The following PAPPA2 variants were observed in gnomAD, a reference collection of about 807,000 sequenced individuals.
The protein encoded by PAPPA2 is pappalysin-2.
PAPPA2 carries 86 observed loss-of-function variants against 176.4 expected under a neutral mutation model. The observed-to-expected ratio is 0.49, with a 90% CI of 0.41 to 0.58. The LOEUF is 0.58. Among genes scored for constraint, PAPPA2 ranks in the 20% least tolerant of loss-of-function variants. PAPPA2 has a pLI of 0.00. For missense variants in PAPPA2, 2,073 were observed against 2,256.9 expected (o/e 0.92, Z 1.65); for synonymous variants, 809 against 852.2 (o/e 0.95, Z 0.88).
chr1:176,692,764 A>C (rs765275107), intron 6 of PAPPA2, among the ~76,000 whole-genome samples: 1 of 152,158 alleles, frequency 6.6e-6, no homozygotes, highest in Non-Finnish European at 1.5e-5. Flanking sequence ...TGTGCATCAG[A>C]GGGCTTCCCT....
At chr1:176,741,182 G>A (rs751864924) in intron 14 of PAPPA2, among the ~76,000 whole-genome samples, 4 of 152,188 alleles carry the variant, frequency 2.6e-5, no homozygotes, top group South Asian at 2.1e-4. Flanking sequence ...ATACAGCTTC[G>A]CCAGGTATCT....
At chr1:176,613,356 T>C (rs551243582) in intron 3 of PAPPA2, among the ~76,000 whole-genome samples, 174 of 152,346 alleles carry the variant, frequency 1.1e-3, no homozygotes, top group African/African-American at 4.1e-3. Flanking sequence ...GGGGACCGTC[T>C]TGTTCAACCA....
chr1:176,831,410 A>G (rs761521274), intron 21 of PAPPA2, among the ~76,000 whole-genome samples: 1 of 152,238 alleles, frequency 6.6e-6, no homozygotes, highest in Non-Finnish European at 1.5e-5. Context: ...GGCCCTGTGC[A>G]GGGATGTTCT....
intron 3 of PAPPA2, among the ~76,000 whole-genome samples, chr1:176,633,098 G>A (rs532971151): frequency 9.2e-4 from 140 of 152,302 alleles, no homozygotes; most frequent in African/African-American, 3.2e-3. Context: ...TTATAGATGA[G>A]GGCATTGAAG....
intron 3 of PAPPA2, among the ~76,000 whole-genome samples, chr1:176,622,740 T>C (rs905783849): frequency 5.3e-5 from 8 of 152,194 alleles, no homozygotes; most frequent in African/African-American, 1.9e-4. Flanking sequence ...CAAAATCAAC[T>C]GTTTTGCCCA....
At chr1:176,737,800 C>T (rs1195877980) in intron 12 of PAPPA2, among the ~76,000 whole-genome samples, 3 of 152,032 alleles carry the variant, frequency 2.0e-5, no homozygotes, top group Non-Finnish European at 2.9e-5. Flanking sequence ...TAGGCAGCGA[C>T]GTTCAAAAGG....
At chr1:176,484,487 C>T (rs1362823240) in intron 1 of PAPPA2, among the ~76,000 whole-genome samples, 4 of 152,140 alleles carry the variant, frequency 2.6e-5, no homozygotes, top group Non-Finnish European at 5.9e-5. Flanking sequence ...GCATATGTTA[C>T]ACTTTTTGTA....
intron 2 of PAPPA2, among the ~76,000 whole-genome samples, 169 bp downstream of exon 2, chr1:176,557,410 A>G (rs918823499): frequency 6.6e-6 from 1 of 152,208 alleles, no homozygotes; most frequent in Non-Finnish European, 1.5e-5. Flanking sequence ...GCAGGATTCC[A>G]GACACCATCA....
At chr1:176,747,765 G>C (rs556169988) in intron 14 of PAPPA2, among the ~76,000 whole-genome samples, 1 of 152,196 alleles carries the variant, frequency 6.6e-6, no homozygotes, top group Non-Finnish European at 1.5e-5. Flanking sequence ...CATCTGTAAG[G>C]CTATAATGAG....
intron 21 of PAPPA2, among the ~76,000 whole-genome samples, chr1:176,814,650 G>A (rs551239844): frequency 3.4e-4 from 52 of 152,316 alleles, no homozygotes; most frequent in African/African-American, 1.2e-3. Flanking sequence ...CTGAGACTTT[G>A]CTGCAGTTGC....
chr1:176,723,543 C>T (rs1661724077), intron 12 of PAPPA2, among the ~76,000 whole-genome samples: 1 of 151,750 alleles, frequency 6.6e-6, no homozygotes, highest in Non-Finnish European at 1.5e-5. Context: ...CCTTTCAGTA[C>T]ACTTTAATCT....
chr1:176,581,233 C>T (rs1605311), intron 2 of PAPPA2, among the ~76,000 whole-genome samples: 23,435 of 152,194 alleles, frequency 0.15, 2,049 homozygotes, highest in South Asian at 0.25. Context: ...CTTCCGCAAT[C>T]AATGTACTTG....
intron 2 of PAPPA2, among the ~76,000 whole-genome samples, chr1:176,557,532 A>G (rs1174295129): frequency 6.6e-6 from 1 of 152,120 alleles, no homozygotes. Flanking sequence ...ACCTGTCTTT[A>G]AAGGGATAGA....
chr1:176,796,052 C>T lies in PAPPA2; in HGVS notation c.5130+2383C>T, dbSNP rs150975588. On this transcript the variant is annotated intron_variant, in intron 20 of 22. Transcript: ENST00000367662. The stretch of plus-strand genomic sequence containing the variant: ...CAACCAAATGACCTCACTCTTCCCT[C>T]TGGCTCTTAATGCTCAGCCCCACCC... 8.1e-3 allele frequency among the ~76,000 whole-genome samples: 1,230 copies of T among 152,366 alleles called. 7 individuals are homozygous for T. The highest frequency in any genetic ancestry group is 0.014 in the Non-Finnish European group (957 of 68,042).
chr1:176,568,722 A>G (rs1652133453), intron 2 of PAPPA2, among the ~76,000 whole-genome samples: 1 of 152,184 alleles, frequency 6.6e-6, no homozygotes, highest in Non-Finnish European at 1.5e-5. Flanking sequence ...CCAGTAATCA[A>G]TCACCAAATC....
intron 21 of PAPPA2, among the ~76,000 whole-genome samples, chr1:176,807,912 G>A (rs1480889834): frequency 6.6e-6 from 1 of 152,156 alleles, no homozygotes; most frequent in Non-Finnish European, 1.5e-5. Context: ...AAGAATCAAT[G>A]AGTCCTATAA....
intron 4 of PAPPA2, among the ~76,000 whole-genome samples, chr1:176,673,052 G>A (rs1029597814): frequency 3.3e-5 from 5 of 152,282 alleles, no homozygotes; most frequent in African/African-American, 1.2e-4. Context: ...TAGGGAAAGA[G>A]AGGTTTCTGG....
chr1:176,532,500 G>A (rs191037547), intron 1 of PAPPA2, among the ~76,000 whole-genome samples: 14 of 152,272 alleles, frequency 9.2e-5, no homozygotes, highest in African/African-American at 2.9e-4. Flanking sequence ...AATTTCATTC[G>A]GAAAAAGGCA....
intron 18 of PAPPA2, 54 bp downstream of exon 18, chr1:176,790,031 C>A: frequency 6.4e-7 from 1 of 1,552,208 alleles, no homozygotes; most frequent in Non-Finnish European, 8.8e-7. Flanking sequence ...AATCTTGATG[C>A]CCAATCCAAG....
Sources: gnomAD v4.1 joint callset for allele counts (sites outside exome capture counted in the v4.1 genomes callset) on GRCh38, gnomAD v4.1.1 for gene constraint, MANE v1.5 for transcripts, NCBI Gene and HGNC (gene_info 2026-07-23, HGNC 2026-07-21) for gene names.